Variants in SCN9A observed in about 807,000 individuals in gnomAD.
SCN9A encodes sodium channel protein type 9 subunit alpha.
A neutral mutation model predicts 187.0 loss-of-function variants in SCN9A; 131 were observed. The ratio of observed to expected loss-of-function variants is 0.70; its 90% confidence interval spans 0.61 to 0.81. The LOEUF is 0.81. SCN9A is among the 30% of genes least tolerant of loss of function. The pLI, the probability that SCN9A is intolerant of heterozygous loss-of-function variation, is 0.00. For synonymous variants in SCN9A, 809 were observed against 808.6 expected (o/e 1.00, Z -0.01); for missense variants, 2,252 against 2,396.6 (o/e 0.94, Z 1.26).
Position 166,220,760 on chromosome 2 carries a change from A to T in SCN9A, c.4398+5807T>A, listed in dbSNP as rs909100751. Reference sequence around the variant, plus strand: ...ACTTTCCTGTAAGATCAGGAATAAGACAAATATGGCTACTCTTGCCACTTG... The same window carrying T: ...ACTTTCCTGTAAGATCAGGAATAAGTCAAATATGGCTACTCTTGCCACTTG... On this transcript the variant is annotated intron_variant, in intron 24 of 26. Transcript: ENST00000642356. Among the ~76,000 whole-genome samples, 6 of 152,196 alleles carry T rather than the reference A, an allele frequency of 3.9e-5. No homozygotes were observed. In the South Asian group the frequency reaches 1.2e-3, roughly 31 times the overall value.
rs1698758062 is a variant in SCN9A at position 166,306,396 on chromosome 2, C to T, written c.467+114G>A. 3 of 702,072 alleles carry T rather than the reference C, an allele frequency of 4.3e-6. No individual in the cohort carries two copies. In the African/African-American group the frequency reaches 5.3e-5, roughly 12 times the overall value. 43.5% of individuals were successfully genotyped at this position (702,072 alleles called of 1,614,324 possible). On this transcript the variant is annotated intron_variant, in intron 4 of 26. Transcript: ENST00000642356. ...GAACAAAAGAAAAGCAAGCATATAA[C>T]ATGGGAAGGTAAAGATTCCCCATCT...
chr2:166,251,134 CAA>C (rs1237513490), intron 18 of SCN9A, among the ~76,000 whole-genome samples: 21 of 151,952 alleles, frequency 1.4e-4, no homozygotes. Flanking sequence ...TGTTAAGAGT[CAA>C]TAGCACAGAA....
At chr2:166,223,186 T>G (rs1392342647) in intron 24 of SCN9A, among the ~76,000 whole-genome samples, 1 of 152,130 alleles carries the variant, frequency 6.6e-6, no homozygotes, top group Non-Finnish European at 1.5e-5. Context: ...ATAACTACCA[T>G]TTGATCTAGC....
intron 1 of SCN9A, among the ~76,000 whole-genome samples, chr2:166,350,009 T>A (rs112490413): frequency 5.1e-5 from 7 of 137,716 alleles, no homozygotes; most frequent in African/African-American, 1.4e-4. Context: ...AAAAATAAAA[T>A]AAAATTAACA....
At chr2:166,268,950 G>C (rs574677426) in intron 17 of SCN9A, among the ~76,000 whole-genome samples, 125 of 151,694 alleles carry the variant, frequency 8.2e-4, no homozygotes, top group Non-Finnish European at 1.4e-3. Context: ...TTTTAAAATG[G>C]CTTGCTAATT....
intron 1 of SCN9A, among the ~76,000 whole-genome samples, chr2:166,332,318 A>G (rs1426194961): frequency 2.6e-5 from 4 of 152,100 alleles, no homozygotes; most frequent in African/African-American, 9.7e-5. Flanking sequence ...AAGCCTTCCA[A>G]TGAATGCATG....
intron 1 of SCN9A, among the ~76,000 whole-genome samples, chr2:166,318,259 C>T (rs758651382): frequency 7.2e-5 from 11 of 152,090 alleles, no homozygotes; most frequent in Non-Finnish European, 1.0e-4. Context: ...TGTAGCCTGC[C>T]TGTCAGTACA....
At chr2:166,323,637 A>G (rs1030296886) in intron 1 of SCN9A, among the ~76,000 whole-genome samples, 1 of 152,172 alleles carries the variant, frequency 6.6e-6, no homozygotes. Context: ...TCTTGGCCAC[A>G]TAACAGGTAC....
In SCN9A at chr2:166,204,470, GAAAC is replaced by G. The variant is rs77944059; in HGVS notation, c.4399-10_4399-7del. On this transcript the variant is annotated splice_region_variant and splice_polypyrimidine_tract_variant and intron_variant, in intron 24 of 26. Transcript: ENST00000642356. ...AAGATGTCTTGACCTCCAAGGTAAAGAAACAAACAAAAAATAAATGTAGTTAAAA... is the reference window on the plus strand; with the variant it reads ...AAGATGTCTTGACCTCCAAGGTAAAGAAACAAAAAATAAATGTAGTTAAAA... 1,313,476 of 1,507,680 alleles carry G rather than the reference GAAAC, an allele frequency of 0.87. 573,967 individuals carry two copies. Among genetic ancestry groups the G allele is most frequent in the East Asian group, 0.94 (41,316 of 43,972 alleles). The allele number at this position is 1,507,680 out of a possible 1,614,324, so 93.4% of individuals were successfully genotyped here.
At chr2:166,232,737 A>G (rs917137783) in intron 21 of SCN9A, among the ~76,000 whole-genome samples, 45 of 130,616 alleles carry the variant, frequency 3.4e-4, no homozygotes, top group African/African-American at 7.6e-4. Context: ...CTGTGTGTGT[A>G]TATATATATA....
intron 2 of SCN9A, among the ~76,000 whole-genome samples, chr2:166,308,779 A>T (rs1698842439): frequency 6.6e-6 from 1 of 151,916 alleles, no homozygotes; most frequent in Admixed American, 6.6e-5. Flanking sequence ...AAACAAAATT[A>T]GCCAGGTGTG....
At chr2:166,318,617 G>A (rs1256868456) in intron 1 of SCN9A, among the ~76,000 whole-genome samples, 3 of 151,432 alleles carry the variant, frequency 2.0e-5, no homozygotes, top group African/African-American at 7.3e-5. Context: ...CATCAATTCT[G>A]GGTAAAGGTC....
chr2:166,287,816 A>G (rs937646206), intron 10 of SCN9A, among the ~76,000 whole-genome samples: 3 of 151,918 alleles, frequency 2.0e-5, no homozygotes, highest in African/African-American at 7.2e-5. Context: ...TCCTTGTGAC[A>G]TTAACAAAAC....
intron 1 of SCN9A, among the ~76,000 whole-genome samples, chr2:166,373,266 T>C (rs1346491650): frequency 6.6e-6 from 1 of 151,856 alleles, no homozygotes; most frequent in African/African-American, 2.4e-5. Context: ...TGCTAATTGG[T>C]CTCTGTGTTG....
At chr2:166,313,355 C>T (rs1451810969) in intron 1 of SCN9A, among the ~76,000 whole-genome samples, 2 of 152,118 alleles carry the variant, frequency 1.3e-5, no homozygotes, top group Non-Finnish European at 2.9e-5. Context: ...GTTAGACCTT[C>T]ATTGCAAATC....
intron 1 of SCN9A, among the ~76,000 whole-genome samples, chr2:166,330,108 C>T (rs932921224): frequency 6.6e-6 from 1 of 152,002 alleles, no homozygotes; most frequent in African/African-American, 2.4e-5. Flanking sequence ...GCTTATTTTC[C>T]TTCTAAAGGT....
chr2:166,199,547 C>G lies in SCN9A; in HGVS notation c.5092G>C (p.Ala1698Pro). The G allele has an allele frequency of 3.1e-6, 5 of 1,614,178 alleles. No individual in the cohort carries two copies. Among genetic ancestry groups the G allele is most frequent in the Non-Finnish European group, 4.2e-6 (5 of 1,180,030 alleles). The change falls in exon 27 of 27, where the codon GCT (alanine) becomes CCT (proline). Residue 1698 changes from alanine to proline, a missense_variant. This residue lies in a region of SCN9A where 84 missense variants were observed against 134.2 expected (regional missense o/e 0.63). Transcript: ENST00000642356. ...GGTGCTAGCAATCCATCCCAGCCAGCAGAGGTTGTAATTTGGAACAGGCAA... is the reference window on the plus strand; with the variant it reads ...GGTGCTAGCAATCCATCCCAGCCAGGAGAGGTTGTAATTTGGAACAGGCAA... ...MICLFQITTS[A>P]GWDGLLAPIL...
chr2:166,294,863 C>T, intron 7 of SCN9A: 2 of 411,856 alleles, frequency 4.9e-6, no homozygotes, highest in Admixed American at 4.2e-5. Flanking sequence ...AGGCAATAAA[C>T]ATGACAATAA....
At chr2:166,216,047 T>C (rs1466524586) in intron 24 of SCN9A, among the ~76,000 whole-genome samples, 1 of 152,074 alleles carries the variant, frequency 6.6e-6, no homozygotes, top group Non-Finnish European at 1.5e-5. Flanking sequence ...CCATGATTAC[T>C]TGGGATTTAT....
Sources: allele counts gnomAD v4.1 joint callset (sites outside exome capture counted in the v4.1 genomes callset), GRCh38; gene constraint gnomAD v4.1.1; regional missense constraint gnomAD v4.1.1; transcripts MANE v1.5; gene names NCBI Gene and HGNC (gene_info 2026-07-23, HGNC 2026-07-21).